SSBP2: variants seen among roughly 807,000 people sequenced by gnomAD.
The protein encoded by SSBP2 is single stranded DNA binding protein 2.
In SSBP2, 17 loss-of-function variants were observed where a neutral mutation model predicts 61.8. The observed-to-expected ratio is 0.28, with a 90% CI of 0.19 to 0.41. The LOEUF is 0.41. SSBP2 is among the 10% of genes least tolerant of loss of function. The pLI, the probability that SSBP2 is intolerant of heterozygous loss-of-function variation, is 1.00. For synonymous variants in SSBP2, 139 were observed against 141.3 expected, an observed-to-expected ratio of 0.98 and a Z score of 0.12; for missense variants, 310 against 458.7, an observed-to-expected ratio of 0.68 and a Z score of 2.96.
At chr5:81,587,470 G>A (rs947237677) in intron 4 of SSBP2, among the ~76,000 whole-genome samples, 1 of 152,152 alleles carries the variant, frequency 6.6e-6, no homozygotes, top group South Asian at 2.1e-4. Flanking sequence ...GGTGGTTCAC[G>A]CGTGAAATCC....
At chr5:81,535,376 T>G (rs550788832) in intron 4 of SSBP2, among the ~76,000 whole-genome samples, 22 of 152,064 alleles carry the variant, frequency 1.4e-4, no homozygotes, top group Non-Finnish European at 2.9e-4. Flanking sequence ...GACCTATAGA[T>G]TCAATACAAT....
At chr5:81,737,841 T>G (rs1756729622) in intron 1 of SSBP2, among the ~76,000 whole-genome samples, 1 of 151,904 alleles carries the variant, frequency 6.6e-6, no homozygotes, top group Non-Finnish European at 1.5e-5. Context: ...TTGTTCATTC[T>G]ACAAATCTGG....
chr5:81,570,757 G>C (rs1407115146), intron 4 of SSBP2, among the ~76,000 whole-genome samples: 8 of 152,114 alleles, frequency 5.3e-5, no homozygotes, highest in Non-Finnish European at 8.8e-5. Context: ...AATTACCAGA[G>C]GGAAATCTCG....
chr5:81,590,198 T>C (rs1339581247), intron 4 of SSBP2, among the ~76,000 whole-genome samples: 1 of 150,286 alleles, frequency 6.7e-6, no homozygotes, highest in African/African-American at 2.4e-5. Flanking sequence ...GTCATAGATT[T>C]AAAAAAAAAA....
chr5:81,604,809 A>G (rs2153569170), intron 4 of SSBP2, among the ~76,000 whole-genome samples: 1 of 152,286 alleles, frequency 6.6e-6, no homozygotes, highest in Non-Finnish European at 1.5e-5. Flanking sequence ...TAAGTGTTTC[A>G]ATTCATAATA....
intron 4 of SSBP2, among the ~76,000 whole-genome samples, chr5:81,609,187 T>C (rs533045856): frequency 2.0e-5 from 3 of 152,296 alleles, no homozygotes; most frequent in African/African-American, 7.2e-5. Flanking sequence ...AATTTCACAA[T>C]CTCCTTGCAG....
At chr5:81,670,282 A>T (rs1751496424) in intron 1 of SSBP2, among the ~76,000 whole-genome samples, 1 of 152,136 alleles carries the variant, frequency 6.6e-6, no homozygotes, top group Non-Finnish European at 1.5e-5. Context: ...GAATATGGGA[A>T]ATCTCTATAT....
At chr5:81,605,520 C>G (rs972797521) in intron 4 of SSBP2, among the ~76,000 whole-genome samples, 1 of 151,926 alleles carries the variant, frequency 6.6e-6, no homozygotes, top group Non-Finnish European at 1.5e-5. Flanking sequence ...CCCTTTGCAC[C>G]AGACAGGGGC....
chr5:81,731,105 A>T (rs1756234219), intron 1 of SSBP2, among the ~76,000 whole-genome samples: 1 of 152,194 alleles, frequency 6.6e-6, no homozygotes, highest in African/African-American at 2.4e-5. Flanking sequence ...GATTCTATAA[A>T]TACTGAAATG....
At chr5:81,647,531 G>A (rs772299972) in intron 2 of SSBP2, among the ~76,000 whole-genome samples, 70 of 151,932 alleles carry the variant, frequency 4.6e-4, no homozygotes, top group South Asian at 6.2e-4. Flanking sequence ...TATTGATAAT[G>A]CATTTTTACA....
intron 12 of SSBP2, 54 bp from the exon 13 acceptor site, chr5:81,442,777 C>T: frequency 1.1e-6 from 1 of 917,062 alleles, no homozygotes; most frequent in Non-Finnish European, 1.7e-6. Flanking sequence ...ATACCCAATT[C>T]ATCACAAAGT....
chr5:81,655,745 A>C (rs1269728223), intron 1 of SSBP2, among the ~76,000 whole-genome samples: 2 of 152,220 alleles, frequency 1.3e-5, no homozygotes, highest in Admixed American at 1.3e-4. Flanking sequence ...TACTAGACTC[A>C]CTGTCCCTCA....
Position 81,650,321 on chromosome 5 carries a change from A to G in SSBP2, c.81T>C (p.Tyr27=). 1 of 1,587,700 alleles carries G rather than the reference A, an allele frequency of 6.3e-7. No individual in the cohort carries two copies. The change falls in exon 2 of 17, where the codon TAT becomes TAC. Residue 27 remains tyrosine (Y), a synonymous_variant. Transcript: ENST00000320672. ...GAGCTCCTACATGGAGCAGATATTC[A>G]TATACGTAGAGTGCTAACCTGGAAA...
At chr5:81,477,004 G>C (rs1413068708) in intron 6 of SSBP2, among the ~76,000 whole-genome samples, 3 of 152,040 alleles carry the variant, frequency 2.0e-5, no homozygotes, top group Non-Finnish European at 4.4e-5. Flanking sequence ...GTGTATGTGT[G>C]TGTGTGTGTA....
chr5:81,465,943 T>C (rs777272240), intron 9 of SSBP2, among the ~76,000 whole-genome samples: 7 of 152,014 alleles, frequency 4.6e-5, no homozygotes, highest in Middle Eastern at 3.2e-3. Context: ...ATTAACCTAT[T>C]TTCTATTTCA....
intron 1 of SSBP2, 43 bp downstream of exon 1, chr5:81,750,938 G>T: frequency 6.4e-7 from 1 of 1,558,622 alleles, no homozygotes; most frequent in Non-Finnish European, 8.7e-7. Context: ...GTGAGTGTGC[G>T]CGCGTGTGAA....
chr5:81,694,607 T>C (rs934435993), intron 1 of SSBP2, among the ~76,000 whole-genome samples: 1 of 152,266 alleles, frequency 6.6e-6, no homozygotes, highest in Admixed American at 6.5e-5. Flanking sequence ...TGTTCCTTTT[T>C]CCTGAGCCCC....
intron 4 of SSBP2, among the ~76,000 whole-genome samples, chr5:81,539,124 T>C (rs1401697661): frequency 2.6e-5 from 4 of 152,244 alleles, no homozygotes; most frequent in Non-Finnish European, 5.9e-5. Flanking sequence ...ACATTTGTGA[T>C]TCACGGGAGG....
intron 3 of SSBP2, among the ~76,000 whole-genome samples, chr5:81,633,533 T>A (rs974224831): frequency 2.6e-5 from 4 of 152,028 alleles, no homozygotes; most frequent in Admixed American, 1.3e-4. Flanking sequence ...TTCAACCATC[T>A]CTCTCTCTCT....
Sources: allele counts gnomAD v4.1 joint callset (sites outside exome capture counted in the v4.1 genomes callset), GRCh38; gene constraint gnomAD v4.1.1; transcripts MANE v1.5; gene names NCBI Gene and HGNC (gene_info 2026-07-23, HGNC 2026-07-21).